The following THSD7A variants were observed in gnomAD, a reference collection of about 807,000 sequenced individuals.
The protein encoded by THSD7A is thrombospondin type-1 domain-containing protein 7A.
A neutral mutation model predicts 231.3 loss-of-function variants in THSD7A; 96 were observed. The ratio of observed to expected loss-of-function variants is 0.41; its 90% CI spans 0.35 to 0.49. THSD7A has a LOEUF of 0.49. Ranked by LOEUF, THSD7A falls within the 20% of genes least tolerant of loss-of-function variation. The pLI, the probability that THSD7A is intolerant of heterozygous loss-of-function variation, is 0.05. For missense variants in THSD7A, 2,290 were observed against 2,070.2 expected (o/e 1.11, Z -2.06); for synonymous variants, 940 against 743.3 (o/e 1.26, Z -4.30).
At chr7:11,739,997 A>T (rs1782052681) in intron 1 of THSD7A, among the ~76,000 whole-genome samples, 1 of 152,034 alleles carries the variant, frequency 6.6e-6, no homozygotes, top group African/African-American at 2.4e-5. Context: ...AGAGACCACA[A>T]GAACTCCACC....
At chr7:11,477,778 G>A (rs1428643690) in intron 7 of THSD7A, among the ~76,000 whole-genome samples, 1 of 152,044 alleles carries the variant, frequency 6.6e-6, no homozygotes, top group Non-Finnish European at 1.5e-5. Context: ...CCTTTTGTTA[G>A]ACAATAGTAT....
chr7:11,420,708 C>T (rs1784115081), intron 16 of THSD7A, among the ~76,000 whole-genome samples: 1 of 152,202 alleles, frequency 6.6e-6, no homozygotes, highest in African/African-American at 2.4e-5. Flanking sequence ...CCACTGACAG[C>T]TTGCACTGTG....
intron 1 of THSD7A, among the ~76,000 whole-genome samples, chr7:11,799,820 G>T (rs986877631): frequency 1.3e-5 from 2 of 152,206 alleles, no homozygotes; most frequent in Non-Finnish European, 2.9e-5. Context: ...TATATGAGAA[G>T]ACATTACAGA....
chr7:11,535,275 T>G (rs1788866670), intron 6 of THSD7A, among the ~76,000 whole-genome samples: 2 of 152,092 alleles, frequency 1.3e-5, no homozygotes, highest in African/African-American at 4.8e-5. Flanking sequence ...CGGTTTTTTC[T>G]AAAAAAGTAT....
intron 24 of THSD7A, 35 bp from the exon 25 acceptor site, chr7:11,379,747 A>T (rs765551975): frequency 6.5e-7 from 1 of 1,547,384 alleles, no homozygotes. Context: ...GACAAATAAT[A>T]TATTTTGCTA....
intron 1 of THSD7A, among the ~76,000 whole-genome samples, chr7:11,682,874 AT>A (rs955076583): frequency 1.3e-4 from 19 of 151,938 alleles, no homozygotes; most frequent in African/African-American, 4.6e-4. Context: ...GTCTCAACAA[AT>A]AAAAAAAAAA....
At chr7:11,479,158 T>G (rs187870555) in intron 7 of THSD7A, among the ~76,000 whole-genome samples, 2 of 152,282 alleles carry the variant, frequency 1.3e-5, no homozygotes, top group Admixed American at 1.3e-4. Context: ...GAGGAAGAAG[T>G]AAATAAAGCT....
intron 2 of THSD7A, among the ~76,000 whole-genome samples, chr7:11,597,321 G>A (rs1444495748): frequency 1.3e-5 from 2 of 152,176 alleles, no homozygotes; most frequent in Admixed American, 6.5e-5. Context: ...GGCTTATTTG[G>A]ATTTTGGAGG....
chr7:11,739,441 A>G (rs1410266186), intron 1 of THSD7A, among the ~76,000 whole-genome samples: 1 of 152,008 alleles, frequency 6.6e-6, no homozygotes, highest in East Asian at 1.9e-4. Flanking sequence ...AGGCTAAAAT[A>G]TGCATGTAAT....
At chr7:11,504,140 C>T (rs551169300) in intron 6 of THSD7A, among the ~76,000 whole-genome samples, 83 of 152,174 alleles carry the variant, frequency 5.5e-4, no homozygotes, top group African/African-American at 1.2e-3. Flanking sequence ...TAAAAAAGAA[C>T]GAGATCATGT....
At chr7:11,486,017 AG>A (rs1337811780) in intron 6 of THSD7A, among the ~76,000 whole-genome samples, 21 of 152,328 alleles carry the variant, frequency 1.4e-4, no homozygotes, top group African/African-American at 4.1e-4. Context: ...TCAGCATTCC[AG>A]GCATAAGTCA....
intron 6 of THSD7A, among the ~76,000 whole-genome samples, chr7:11,492,116 G>C (rs984590946): frequency 2.0e-5 from 3 of 151,912 alleles, no homozygotes; most frequent in Non-Finnish European, 4.4e-5. Flanking sequence ...TCCGCCATCT[G>C]CCCCCACTTG....
chr7:11,520,267 G>A (rs1453670278), intron 6 of THSD7A: 2 of 152,176 alleles, frequency 1.3e-5, no homozygotes, highest in Non-Finnish European at 2.9e-5. Flanking sequence ...ATCTCATGAT[G>A]CTAGTTCTTT....
intron 1 of THSD7A, among the ~76,000 whole-genome samples, chr7:11,824,430 C>T (rs998471506): frequency 1.2e-4 from 18 of 152,044 alleles, no homozygotes; most frequent in Middle Eastern, 6.3e-3. Context: ...AGAATCTCTT[C>T]CTCCCACCAT....
chr7:11,577,143 T>G (rs1790949371), intron 4 of THSD7A, among the ~76,000 whole-genome samples: 1 of 152,182 alleles, frequency 6.6e-6, no homozygotes, highest in Non-Finnish European at 1.5e-5. Flanking sequence ...TGTTATAGAT[T>G]TGTAGAAGGC....
intron 4 of THSD7A, among the ~76,000 whole-genome samples, chr7:11,552,843 T>A (rs926831103): frequency 6.6e-6 from 1 of 152,112 alleles, no homozygotes; most frequent in Non-Finnish European, 1.5e-5. Context: ...CCATAAGCTA[T>A]GTAAACATCA....
At position 11,636,513 on chromosome 7, in the gene THSD7A, C is replaced by T. The variant is rs767231155; in HGVS notation, c.639G>A (p.Gly213=). Residue 213 remains glycine, a synonymous_variant, in exon 2 of 28, where the codon GGG becomes GGA. Coordinates refer to ENST00000423059, the MANE Select transcript of THSD7A (RefSeq NM_015204.3). This position sits in a 1 kb window ranked among gnomAD's most constrained non-coding sequence, Gnocchi z 10.0. ...CCACATGACGCGTCCGGTGCTGGAG[C>T]CCGCTGCCGCAGGTCTTGGAGCATT... ...WSECSKTCGS[G]LQHRTRHVVA... is the part of the protein sequence containing the mutation. The T allele has an allele frequency of 4.3e-6, 7 of 1,613,870 alleles. No individual in the cohort carries two copies. The East Asian group carries it at 1.6e-4, about 36-fold the overall frequency.
At position 11,832,132 on chromosome 7, in the gene THSD7A, T is replaced by G; in HGVS notation, c.-186A>C. 75 of 340,460 alleles carry G rather than the reference T, an allele frequency of 2.2e-4. No individual in the cohort carries two copies. The highest frequency in any genetic ancestry group is 2.1e-4 in the East Asian group (4 of 19,186). The allele number at this position is 340,460 out of a possible 1,614,324, so 21.1% of individuals were successfully genotyped here. A position where few individuals can be genotyped will look rare whatever the true frequency, so the allele number is the denominator to read the frequency against. ...ACAATAGCGTCCGCGGTGGTGGCCG[T>G]GGCCGCTGCCGCCGCCGCCGCCGCC... On this transcript the variant is annotated 5_prime_UTR_variant, in exon 1 of 28. Transcript: ENST00000423059.
At chr7:11,595,980 C>T (rs994665792) in intron 2 of THSD7A, among the ~76,000 whole-genome samples, 4 of 152,150 alleles carry the variant, frequency 2.6e-5, no homozygotes, top group African/African-American at 9.7e-5. Flanking sequence ...GGAAGCCTAC[C>T]GTATTCCTAC....
Sources: allele counts gnomAD v4.1 joint callset (sites outside exome capture counted in the v4.1 genomes callset), GRCh38; gene constraint gnomAD v4.1.1; non-coding constraint Gnocchi (gnomAD v3.1); transcripts MANE v1.5; gene names NCBI Gene and HGNC (gene_info 2026-07-23, HGNC 2026-07-21).